Variants in GNA14 observed in about 807,000 individuals in gnomAD.
GNA14 encodes the protein G protein subunit alpha 14, also known as guanine nucleotide-binding protein subunit alpha-14.
In GNA14, 50 loss-of-function variants were observed where a neutral mutation model predicts 42.0. The observed-to-expected ratio is 1.19, with a 90% CI of 0.95 to 1.51. The LOEUF is 1.51. Ranked by LOEUF, GNA14 falls within the 40% of genes most tolerant of loss-of-function variation. The pLI, the probability that GNA14 is intolerant of heterozygous loss-of-function variation, is 0.00. For synonymous variants in GNA14, 173 were observed against 163.1 expected (o/e 1.06, Z -0.46); for missense variants, 473 against 446.2 (o/e 1.06, Z -0.54).
At chr9:77,464,000 T>C (rs1033860817) in intron 2 of GNA14, among the ~76,000 whole-genome samples, 5 of 152,118 alleles carry the variant, frequency 3.3e-5, no homozygotes, top group Non-Finnish European at 7.3e-5. Context: ...TGGTTTGTTG[T>C]TGTTGTTTTT....
chr9:77,455,282 T>C (rs999930593), intron 2 of GNA14, among the ~76,000 whole-genome samples: 5 of 152,226 alleles, frequency 3.3e-5, no homozygotes, highest in Non-Finnish European at 5.9e-5. Context: ...AGTATCCTTC[T>C]TCAAGGCTAG....
At chr9:77,617,015 A>G (rs372471799) in intron 1 of GNA14, among the ~76,000 whole-genome samples, 80 of 151,900 alleles carry the variant, frequency 5.3e-4, no homozygotes, top group Non-Finnish European at 7.7e-4. Flanking sequence ...GACTACAGGC[A>G]CCCACCACCA....
intron 2 of GNA14, among the ~76,000 whole-genome samples, chr9:77,452,620 T>C (rs892731084): frequency 3.4e-5 from 2 of 58,714 alleles, no homozygotes; most frequent in Non-Finnish European, 5.4e-5. Flanking sequence ...TGTGTGTGTA[T>C]GTATATGTGT....
chr9:77,433,096 C>G (rs928817243), intron 3 of GNA14, among the ~76,000 whole-genome samples: 4 of 152,158 alleles, frequency 2.6e-5, no homozygotes, highest in Non-Finnish European at 5.9e-5. Context: ...CCAAAGGAAG[C>G]CCATTGAAAC....
chr9:77,614,904 A>G (rs1212851598), intron 1 of GNA14, among the ~76,000 whole-genome samples: 1 of 152,100 alleles, frequency 6.6e-6, no homozygotes, highest in South Asian at 2.1e-4. Context: ...GATTGCAAAT[A>G]CTCCCACAGT....
chr9:77,480,509 T>C lies in GNA14; in HGVS notation c.310-45987A>G, dbSNP rs190846532. 1.1e-3 allele frequency among the ~76,000 whole-genome samples: 163 copies of C among 152,132 alleles called. 1 individual carries two copies. Among genetic ancestry groups the C allele is most frequent in the Non-Finnish European group, 1.8e-3 (119 of 67,940 alleles). On this transcript the variant is annotated intron_variant, in intron 2 of 6. Coordinates refer to ENST00000341700, the MANE Select transcript of GNA14 (RefSeq NM_004297.4). ...TTCATCAAGGATATTCATCTAAAATTCTTTTTGGTTGTGTCTCTGCCAGGC... is the reference window on the plus strand; with the variant it reads ...TTCATCAAGGATATTCATCTAAAATCCTTTTTGGTTGTGTCTCTGCCAGGC...
intron 1 of GNA14, among the ~76,000 whole-genome samples, chr9:77,578,489 T>C (rs140234496): frequency 1.2e-4 from 18 of 152,226 alleles, no homozygotes; most frequent in African/African-American, 4.1e-4. Context: ...GAGTCAACTA[T>C]TGGAATAGAT....
At chr9:77,570,390 G>T (rs966130486) in intron 1 of GNA14, among the ~76,000 whole-genome samples, 18 of 152,076 alleles carry the variant, frequency 1.2e-4, no homozygotes, top group African/African-American at 4.1e-4. Flanking sequence ...CATTAGCAGT[G>T]ACTCCTTGCC....
Position 77,489,396 on chromosome 9 carries a change from G to A in GNA14, c.309+39673C>T, listed in dbSNP as rs145296513. On this transcript the variant is annotated intron_variant, in intron 2 of 6. Coordinates refer to ENST00000341700, the MANE Select transcript of GNA14 (RefSeq NM_004297.4). ...ACAGAAAACTCCAAAACTTGAGAAA[G>A]AGATAAATATCAGAACAGGAAGATC... 4.0e-3 allele frequency among the ~76,000 whole-genome samples: 605 copies of A among 152,308 alleles called. 2 individuals carry two copies. The highest frequency in any genetic ancestry group is 6.8e-3 in the Middle Eastern group (2 of 294).
chr9:77,534,403 A>G (rs897678813), intron 1 of GNA14, among the ~76,000 whole-genome samples: 1 of 152,234 alleles, frequency 6.6e-6, no homozygotes, highest in Non-Finnish European at 1.5e-5. Context: ...CCAAAGCAAC[A>G]TAAATCTTTC....
chr9:77,468,639 C>T (rs186799742), intron 2 of GNA14, among the ~76,000 whole-genome samples: 3 of 152,270 alleles, frequency 2.0e-5, no homozygotes, highest in South Asian at 4.1e-4. Context: ...CTGATTTGGT[C>T]GACATAATGT....
intron 1 of GNA14, among the ~76,000 whole-genome samples, chr9:77,581,178 G>A (rs1336864163): frequency 1.3e-5 from 2 of 152,154 alleles, no homozygotes; most frequent in Non-Finnish European, 2.9e-5. Flanking sequence ...GGAGTGGAAG[G>A]AGTCCCATTT....
intron 2 of GNA14, among the ~76,000 whole-genome samples, chr9:77,521,258 G>C (rs572551654): frequency 1.1e-4 from 17 of 152,282 alleles, no homozygotes; most frequent in Admixed American, 1.1e-3. Flanking sequence ...GGGAAGCAGG[G>C]CCTGAGTTTA....
intron 1 of GNA14, among the ~76,000 whole-genome samples, chr9:77,625,287 G>A (rs1451607866): frequency 2.0e-5 from 3 of 152,124 alleles, no homozygotes; most frequent in Admixed American, 1.3e-4. Context: ...GTACCTAAAA[G>A]TGACGGGGAG....
chr9:77,464,207 T>C (rs959371626), intron 2 of GNA14, among the ~76,000 whole-genome samples: 1 of 152,078 alleles, frequency 6.6e-6, no homozygotes, highest in African/African-American at 2.4e-5. Flanking sequence ...TGCCATGTTG[T>C]CCAAGCTGGT....
chr9:77,526,076 ATT>A (rs34362442), intron 2 of GNA14, among the ~76,000 whole-genome samples: 174 of 125,082 alleles, frequency 1.4e-3, no homozygotes, highest in African/African-American at 4.4e-3. Context: ...TAATTTTTGT[ATT>A]TTTTTTTTTT....
Position 77,647,783 on chromosome 9 carries a change from C to T in GNA14, c.11G>A (p.Cys4Tyr). ...CTTCTCCTCCGCGGACAGGCAGCAG[C>T]AGCCGGCCATGGTGCGCTCAGCTCA... MAG[C>Y]CCLSAEEKES... The change falls in exon 1 of 7, where the codon TGC becomes TAC. Residue 4 changes from cysteine (C) to tyrosine (Y), a missense_variant. Coordinates refer to ENST00000341700, the MANE Select transcript of GNA14 (RefSeq NM_004297.4). The T allele has an allele frequency of 6.2e-7, 1 of 1,609,158 alleles. No homozygotes were observed.
intron 1 of GNA14, among the ~76,000 whole-genome samples, chr9:77,615,584 C>G (rs1823798395): frequency 6.6e-6 from 1 of 152,022 alleles, no homozygotes; most frequent in Non-Finnish European, 1.5e-5. Flanking sequence ...AGGGTCCAAA[C>G]TCACACTCCT....
chr9:77,517,235 G>A (rs906353017), intron 2 of GNA14, among the ~76,000 whole-genome samples: 7 of 152,174 alleles, frequency 4.6e-5, no homozygotes, highest in African/African-American at 1.7e-4. Context: ...CTTATGGTGT[G>A]GAGATGTGTA....
Sources: allele counts gnomAD v4.1 joint callset (sites outside exome capture counted in the v4.1 genomes callset), GRCh38; gene constraint gnomAD v4.1.1; transcripts MANE v1.5; gene names NCBI Gene and HGNC (gene_info 2026-07-23, HGNC 2026-07-21).